The following INPP4B variants were observed in gnomAD, a reference collection of about 807,000 sequenced individuals.
The protein encoded by INPP4B is inositol polyphosphate-4-phosphatase type II B, also known as inositol polyphosphate 4-phosphatase type II.
Under a neutral mutation model 122.5 loss-of-function variants are expected in INPP4B, and 55 were observed. That is an observed-to-expected ratio of 0.45 (90% CI 0.36 to 0.56). The LOEUF (loss-of-function observed/expected upper bound fraction) is 0.56, where lower values mean the gene tolerates loss of function less well. Ranked by LOEUF, INPP4B falls within the 20% of genes least tolerant of loss-of-function variation. INPP4B has a pLI of 0.00. For synonymous variants in INPP4B, 403 were observed against 388.7 expected (o/e 1.04, Z -0.43); for missense variants, 1,000 against 1,097.7 (o/e 0.91, Z 1.26).
chr4:142,622,112 A>T (rs1287336861), intron 2 of INPP4B, among the ~76,000 whole-genome samples: 2 of 152,002 alleles, frequency 1.3e-5, no homozygotes, highest in African/African-American at 4.8e-5. Context: ...ATAGATGCTG[A>T]ATTAATGGTT....
chr4:142,042,804 G>A (rs945206500), intron 25 of INPP4B, among the ~76,000 whole-genome samples: 10 of 151,920 alleles, frequency 6.6e-5, no homozygotes, highest in African/African-American at 9.7e-5. Flanking sequence ...CTTGTGATTC[G>A]CCCACCTCGG....
intron 14 of INPP4B, among the ~76,000 whole-genome samples, chr4:142,207,793 T>A (rs192697008): frequency 6.6e-6 from 1 of 152,130 alleles, no homozygotes; most frequent in Admixed American, 6.6e-5. Flanking sequence ...TGAAAAGACA[T>A]TGGAAAACAC....
At position 142,776,862 on chromosome 4, in the gene INPP4B, C is replaced by G. The variant is rs183595834; in HGVS notation, c.-253-50961G>C. 2.6e-5 allele frequency among the ~76,000 whole-genome samples: 4 copies of G among 152,232 alleles called. No homozygotes were observed. The East Asian group carries it at 7.7e-4, about 29-fold the overall frequency. ...AACCTGAGATTAAGCTCTAGGAAAG[C>G]TCTAGTGAGCTAGTCCACACATGAA... On this transcript the variant is annotated intron_variant, in intron 1 of 25. Coordinates refer to ENST00000262992, the MANE Select transcript of INPP4B (RefSeq NM_001101669.3).
intron 1 of INPP4B, among the ~76,000 whole-genome samples, chr4:142,841,995 C>CGATAGACAGATA (rs1783556711): frequency 6.6e-6 from 1 of 151,532 alleles, no homozygotes. Context: ...ATAGATAGAT[C>CGATAGACAGATA]GATAGACAGA....
intron 2 of INPP4B, among the ~76,000 whole-genome samples, chr4:142,497,711 T>C (rs1039817192): frequency 2.6e-5 from 4 of 152,166 alleles, no homozygotes; most frequent in African/African-American, 9.7e-5. Flanking sequence ...AAAACAACAA[T>C]ATTTCCCAGT....
intron 2 of INPP4B, among the ~76,000 whole-genome samples, chr4:142,591,570 T>C (rs1737499158): frequency 6.6e-6 from 1 of 151,990 alleles, no homozygotes; most frequent in African/African-American, 2.4e-5. Context: ...AACTCCCCAC[T>C]CCTTAAATGT....
At chr4:142,744,119 A>G (rs909389332) in intron 1 of INPP4B, among the ~76,000 whole-genome samples, 5 of 151,992 alleles carry the variant, frequency 3.3e-5, no homozygotes, top group Non-Finnish European at 4.4e-5. Flanking sequence ...CAGAAAAGAA[A>G]TGAAATCTAT....
At chr4:142,323,646 C>T (rs1426728401) in intron 7 of INPP4B, among the ~76,000 whole-genome samples, 1 of 151,842 alleles carries the variant, frequency 6.6e-6, no homozygotes, top group Non-Finnish European at 1.5e-5. Flanking sequence ...GGGGTTTCAC[C>T]ATGTTAGCCA....
chr4:142,675,878 A>G (rs1190789239), intron 2 of INPP4B, among the ~76,000 whole-genome samples: 1 of 152,178 alleles, frequency 6.6e-6, no homozygotes, highest in Non-Finnish European at 1.5e-5. Context: ...CGACAAACCC[A>G]CAGCCAATAT....
intron 2 of INPP4B, among the ~76,000 whole-genome samples, chr4:142,626,473 A>G (rs1746431751): frequency 6.6e-6 from 1 of 152,026 alleles, no homozygotes; most frequent in South Asian, 2.1e-4. Context: ...ACCCCCAGCC[A>G]ACAGCCCACA....
At chr4:142,061,895 T>C (rs1310332188) in intron 25 of INPP4B, among the ~76,000 whole-genome samples, 5 of 2,000 alleles carry the variant, frequency 2.5e-3, no homozygotes, top group Admixed American at 8.2e-3. Context: ...CATATATATA[T>C]ATATATATAT....
chr4:142,072,411 G>A (rs530613812), intron 25 of INPP4B, among the ~76,000 whole-genome samples: 2 of 151,540 alleles, frequency 1.3e-5, no homozygotes, highest in Non-Finnish European at 2.9e-5. Flanking sequence ...ATACCAACAT[G>A]GCACATGTAT....
At chr4:142,636,677 G>GA (rs932334954) in intron 2 of INPP4B, among the ~76,000 whole-genome samples, 56 of 151,804 alleles carry the variant, frequency 3.7e-4, no homozygotes, top group African/African-American at 1.2e-3. Flanking sequence ...ATACATGTAA[G>GA]AAAAAAATAT....
At chr4:142,221,232 T>C (rs1392529599) in intron 12 of INPP4B, among the ~76,000 whole-genome samples, 1 of 151,554 alleles carries the variant, frequency 6.6e-6, no homozygotes, top group African/African-American at 2.4e-5. Context: ...ACCATGTCTC[T>C]ACTAAAAAAT....
At chr4:142,446,727 T>C (rs535651786) in intron 3 of INPP4B, among the ~76,000 whole-genome samples, 1 of 152,102 alleles carries the variant, frequency 6.6e-6, no homozygotes, top group Non-Finnish European at 1.5e-5. Context: ...CACAAAGTAC[T>C]GAGAAAAGAG....
chr4:142,540,798 A>T (rs1828853983), intron 2 of INPP4B, among the ~76,000 whole-genome samples: 1 of 152,152 alleles, frequency 6.6e-6, no homozygotes, highest in African/African-American at 2.4e-5. Flanking sequence ...ACACACATAA[A>T]CACACACACA....
At chr4:142,257,467 G>A (rs1736902513) in intron 11 of INPP4B, among the ~76,000 whole-genome samples, 2 of 152,148 alleles carry the variant, frequency 1.3e-5, no homozygotes, top group African/African-American at 4.8e-5. Flanking sequence ...CATGGTCTCA[G>A]CCCAAAATCT....
chr4:142,386,956 G>A (rs191557362), intron 7 of INPP4B, among the ~76,000 whole-genome samples: 8 of 152,244 alleles, frequency 5.3e-5, no homozygotes, highest in East Asian at 3.9e-4. Context: ...GCTGGGGATC[G>A]TGGGTAAGTT....
intron 23 of INPP4B, among the ~76,000 whole-genome samples, chr4:142,102,809 C>T (rs1785135655): frequency 6.6e-6 from 1 of 152,026 alleles, no homozygotes; most frequent in Non-Finnish European, 1.5e-5. Flanking sequence ...ATTGTTACCT[C>T]CCTAGAACCT....
Sources: gnomAD v4.1 joint callset for allele counts (sites outside exome capture counted in the v4.1 genomes callset) on GRCh38, gnomAD v4.1.1 for gene constraint, MANE v1.5 for transcripts, NCBI Gene and HGNC (gene_info 2026-07-23, HGNC 2026-07-21) for gene names.